Variants in ZNF345 observed in about 807,000 individuals in gnomAD.
ZNF345 encodes zinc finger protein 345.
For synonymous variants in ZNF345, 166 were observed against 187.9 expected (o/e 0.88, Z 0.95); for missense variants, 527 against 589.9 (o/e 0.89, Z 1.10).
intron 2 of ZNF345, among the ~76,000 whole-genome samples, chr19:36,870,994 C>T (rs1600708948): frequency 6.6e-6 from 1 of 152,182 alleles, no homozygotes; most frequent in East Asian, 1.9e-4. Context: ...TTTTCTTCCT[C>T]TGTTTGGGCC....
At chr19:36,861,435 C>T (rs754820858) in intron 2 of ZNF345, among the ~76,000 whole-genome samples, 16 of 152,134 alleles carry the variant, frequency 1.1e-4, no homozygotes, top group African/African-American at 2.9e-4. Flanking sequence ...ATTAGATTTA[C>T]GAATTTGTTC....
At chr19:36,861,326 A>G (rs1394034657) in intron 2 of ZNF345, among the ~76,000 whole-genome samples, 2 of 152,222 alleles carry the variant, frequency 1.3e-5, no homozygotes, top group Non-Finnish European at 2.9e-5. Context: ...GGAAACCAAT[A>G]TCTAGGTGAT....
At chr19:36,862,553 A>C (rs994173136) in intron 2 of ZNF345, among the ~76,000 whole-genome samples, 1 of 151,272 alleles carries the variant, frequency 6.6e-6, no homozygotes, top group Non-Finnish European at 1.5e-5. Flanking sequence ...AGGCCCAGCC[A>C]CTTGGGAAGC....
intron 2 of ZNF345, among the ~76,000 whole-genome samples, chr19:36,854,012 A>C (rs1240255678): frequency 1.3e-5 from 2 of 152,236 alleles, no homozygotes; most frequent in African/African-American, 4.8e-5. Context: ...GATCTGAGCC[A>C]AAAGGCCAAG....
intron 2 of ZNF345, among the ~76,000 whole-genome samples, chr19:36,867,246 G>A (rs1291647917): frequency 2.0e-5 from 3 of 152,144 alleles, no homozygotes; most frequent in African/African-American, 4.8e-5. Flanking sequence ...GTATGACCAT[G>A]ACTACTGATG....
intron 2 of ZNF345, among the ~76,000 whole-genome samples, chr19:36,871,186 C>A (rs745797278): frequency 2.6e-5 from 4 of 152,204 alleles, no homozygotes; most frequent in Non-Finnish European, 4.4e-5. Flanking sequence ...AAGGGAAAGG[C>A]AGTCCTCTGG....
chr19:36,885,298 CTTTT>C (rs1343304853), intron 3 of ZNF345, among the ~76,000 whole-genome samples: 2 of 151,120 alleles, frequency 1.3e-5, no homozygotes, highest in Non-Finnish European at 2.9e-5. Flanking sequence ...TGCTTACTAG[CTTTT>C]TTGATATCTT....
At chr19:36,865,535 A>C (rs1322446925) in intron 2 of ZNF345, among the ~76,000 whole-genome samples, 1 of 152,104 alleles carries the variant, frequency 6.6e-6, no homozygotes, top group Non-Finnish European at 1.5e-5. Context: ...ATCTCGGCTC[A>C]CTGCAACCTC....
rs535274893 is a variant in ZNF345, at chr19:36,868,443, G to A, written c.-46-8342G>A. 8.5e-5 allele frequency among the ~76,000 whole-genome samples: 13 copies of A among 152,100 alleles called. No individual in the cohort carries two copies. The South Asian group carries it at 2.5e-3, about 29-fold the overall frequency. On this transcript the variant is annotated intron_variant, in intron 2 of 2. Transcript: ENST00000420450. ...TCATAGATGTTTGGGTTTATTTCTGGATTTTCAGTTTTATTCCATTAGTTT... is the reference window on the plus strand; with the variant it reads ...TCATAGATGTTTGGGTTTATTTCTGAATTTTCAGTTTTATTCCATTAGTTT...
chr19:36,881,646 G>A (rs1568363219), downstream of ZNF345, among the ~76,000 whole-genome samples: 1 of 152,034 alleles, frequency 6.6e-6, no homozygotes, highest in East Asian at 1.9e-4. Context: ...TTTTTAATTT[G>A]AGGTAATTAG....
chr19:36,871,880 GC>G (rs2072777750), intron 2 of ZNF345, among the ~76,000 whole-genome samples: 1 of 152,060 alleles, frequency 6.6e-6, no homozygotes, highest in Non-Finnish European at 1.5e-5. Context: ...CGATTCTCCT[GC>G]CTCAGCCTCC....
intron 2 of ZNF345, among the ~76,000 whole-genome samples, chr19:36,855,176 T>G (rs1347099767): frequency 6.9e-6 from 1 of 145,404 alleles, no homozygotes; most frequent in East Asian, 2.1e-4. Context: ...GGAGTCTCGC[T>G]CAGTCACCCA....
chr19:36,892,351 T>G lies in ZNF345; in HGVS notation c.47-467T>G, dbSNP rs74941316. 1.3e-3 allele frequency: 2,151 copies of G among 1,613,794 alleles called. 33 individuals are homozygous for G. In the East Asian group the frequency reaches 0.038, roughly 29 times the overall value. On this transcript the variant is annotated intron_variant, in intron 3 of 3. Transcript: ENST00000526123. Reference sequence around the variant, plus strand: ...TGGTTTCTCTTCACTCATAGTTTTTTGAGGTGGAATAAGAAATGTGGGCTG... The same window carrying G: ...TGGTTTCTCTTCACTCATAGTTTTTGGAGGTGGAATAAGAAATGTGGGCTG...
rs976301073 is a variant in ZNF345, at chr19:36,876,948, T to C, written c.118T>C (p.Phe40Leu). Residue 40 changes from phenylalanine to leucine, a missense_variant, in exon 3 of 3, where the codon TTT (phenylalanine) becomes CTT (leucine). Coordinates refer to ENST00000420450, the MANE Select transcript of ZNF345 (RefSeq NM_001242472.2). ...SQEGHFSEMI[F>L]TPEDMPTFSI... ...GGAAGGACATTTCAGTGAAATGATA[T>C]TTACTCCTGAAGACATGCCCACTTT... is the stretch of plus-strand genomic sequence containing the variant. The C allele has an allele frequency of 1.2e-6, 2 of 1,614,118 alleles. No homozygotes were observed. The highest frequency in any genetic ancestry group is 1.7e-5 in the Admixed American group (1 of 60,020).
chr19:36,882,080 G>A (rs1365895131), downstream of ZNF345, among the ~76,000 whole-genome samples: 2 of 149,606 alleles, frequency 1.3e-5, no homozygotes, highest in East Asian at 3.9e-4. Context: ...CCTTATCTGG[G>A]TTTTCTTCAT....
At chr19:36,882,525 C>A (rs1361956603), downstream of ZNF345, among the ~76,000 whole-genome samples, 1 of 152,170 alleles carries the variant, frequency 6.6e-6, no homozygotes, top group Non-Finnish European at 1.5e-5. Flanking sequence ...CCTCGGCCTC[C>A]CAAAGTGCTG....
exon 4 of ZNF345, chr19:36,892,831 G>A (rs906357295): frequency 1.4e-4 from 132 of 942,766 alleles, no homozygotes; most frequent in African/African-American, 1.3e-3. Flanking sequence ...CCCCACAGGC[G>A]CTGCCTGAGA....
chr19:36,872,813 G>A (rs2146191322), intron 2 of ZNF345: 1 of 152,232 alleles, frequency 6.6e-6, no homozygotes, highest in Non-Finnish European at 1.5e-5. Flanking sequence ...TAAATAATCT[G>A]TAGAGTGATA....
chr19:36,860,356 C>T (rs934752052), intron 2 of ZNF345, among the ~76,000 whole-genome samples: 3 of 152,190 alleles, frequency 2.0e-5, no homozygotes, highest in Non-Finnish European at 4.4e-5. Flanking sequence ...ATATGATACT[C>T]TAATCCATAT....
Sources: allele counts gnomAD v4.1 joint callset (sites outside exome capture counted in the v4.1 genomes callset), GRCh38; gene constraint gnomAD v4.1.1; transcripts MANE v1.5; gene names NCBI Gene and HGNC (gene_info 2026-07-23, HGNC 2026-07-21).